The following ASIC2 variants were observed in gnomAD, a reference collection of about 807,000 sequenced individuals.
The protein encoded by ASIC2 is acid sensing ion channel subunit 2, also known as acid-sensing ion channel 2.
A neutral mutation model predicts 57.3 loss-of-function variants in ASIC2; 25 were observed. The observed-to-expected ratio is 0.44, with a 90% CI of 0.32 to 0.61. The LOEUF is 0.61. ASIC2 is among the 20% of genes least tolerant of loss of function. The probability of loss-of-function intolerance (pLI) is 0.06; values close to 1 mark genes in which losing one functional copy is unlikely to be tolerated. For synonymous variants in ASIC2, 319 were observed against 307.5 expected (o/e 1.04, Z -0.39); for missense variants, 641 against 738.1 (o/e 0.87, Z 1.52).
intron 1 of ASIC2, among the ~76,000 whole-genome samples, chr17:33,138,951 G>A (rs185312208): frequency 5.3e-5 from 8 of 152,328 alleles, no homozygotes; most frequent in African/African-American, 1.4e-4. Context: ...AGTAGTGCCA[G>A]CCTGGGGATC....
At chr17:33,758,896 C>A (rs1280568538) in intron 1 of ASIC2, among the ~76,000 whole-genome samples, 4 of 128,658 alleles carry the variant, frequency 3.1e-5, no homozygotes, top group Admixed American at 8.6e-5. Context: ...CTGTTATCAG[C>A]AATAGAAAGC....
chr17:33,052,118 G>T (rs2091979160), intron 3 of ASIC2: 1 of 152,216 alleles, frequency 6.6e-6, no homozygotes, highest in Admixed American at 6.5e-5. Context: ...CCATGGAAAA[G>T]ATTTCATTTA....
chr17:33,418,024 A>ATATGTG (rs772080220), intron 1 of ASIC2, among the ~76,000 whole-genome samples: 1,300 of 110,338 alleles, frequency 0.012, 31 homozygotes, highest in African/African-American at 0.026. Flanking sequence ...CTCAGCATGT[A>ATATGTG]TGTATGTGTG....
intron 1 of ASIC2, among the ~76,000 whole-genome samples, chr17:33,124,859 C>G (rs771344353): frequency 1.1e-4 from 17 of 152,208 alleles, no homozygotes; most frequent in Non-Finnish European, 2.2e-4. Context: ...TGCAACTAGA[C>G]AGTCCTATCT....
intron 1 of ASIC2, among the ~76,000 whole-genome samples, chr17:33,538,438 C>T (rs1915306908): frequency 1.3e-5 from 2 of 152,194 alleles, no homozygotes; most frequent in African/African-American, 4.8e-5. Flanking sequence ...GTGGCATCTT[C>T]TACCTGGAGG....
chr17:33,971,190 T>C (rs1905220053), intron 1 of ASIC2, among the ~76,000 whole-genome samples: 1 of 152,060 alleles, frequency 6.6e-6, no homozygotes, highest in South Asian at 2.1e-4. Context: ...CCAAAGACAG[T>C]GGGGCTCCAA....
chr17:33,254,174 G>C lies in ASIC2; in HGVS notation c.708+37234C>G, dbSNP rs576200130. Among the ~76,000 whole-genome samples, 5 of 152,284 alleles carry C rather than the reference G, an allele frequency of 3.3e-5. No individual in the cohort carries two copies. The East Asian group carries it at 9.7e-4, about 29-fold the overall frequency. ...AGGCTCAGGCAACTATTCCAGAGGT[G>C]GCTCTGGGCTGCTGAGGAGAGCTGG... On this transcript the variant is annotated intron_variant, in intron 1 of 9. Coordinates refer to ENST00000225823, the MANE Select transcript of ASIC2 (RefSeq NM_183377.2).
intron 1 of ASIC2, among the ~76,000 whole-genome samples, chr17:33,568,633 C>A (rs374899496): frequency 2.6e-5 from 4 of 152,256 alleles, no homozygotes; most frequent in African/African-American, 9.6e-5. Context: ...TTATATGAGG[C>A]TATAGGGATA....
intron 1 of ASIC2, among the ~76,000 whole-genome samples, chr17:33,753,937 C>T (rs1910509953): frequency 1.3e-5 from 2 of 152,168 alleles, no homozygotes; most frequent in Admixed American, 6.5e-5. Flanking sequence ...ACACTAATGC[C>T]TGTTGTTAAT....
chr17:33,199,620 C>T (rs1906775908), intron 1 of ASIC2, among the ~76,000 whole-genome samples: 1 of 152,208 alleles, frequency 6.6e-6, no homozygotes, highest in African/African-American at 2.4e-5. Flanking sequence ...AAGCTCCTTT[C>T]CCCTTTCCCT....
At chr17:33,213,177 C>T (rs370051254) in intron 1 of ASIC2, among the ~76,000 whole-genome samples, 18 of 152,202 alleles carry the variant, frequency 1.2e-4, no homozygotes, top group African/African-American at 4.1e-4. Context: ...AACAATCCCA[C>T]AGGGGGAAGC....
chr17:33,827,261 G>C (rs2141897618), intron 1 of ASIC2, among the ~76,000 whole-genome samples: 1 of 151,842 alleles, frequency 6.6e-6, no homozygotes, highest in East Asian at 1.9e-4. Context: ...CATTGGACAG[G>C]GAGACAAAGA....
intron 1 of ASIC2, among the ~76,000 whole-genome samples, chr17:34,007,899 G>T (rs1004843711): frequency 2.6e-5 from 4 of 152,148 alleles, no homozygotes; most frequent in African/African-American, 9.7e-5. Context: ...CAATGAAAAT[G>T]TATTTAGTAT....
At chr17:33,668,494 T>C (rs1177331263) in intron 1 of ASIC2, among the ~76,000 whole-genome samples, 1 of 151,984 alleles carries the variant, frequency 6.6e-6, no homozygotes. Flanking sequence ...CATGCTGCCA[T>C]CTCTCTGGTT....
chr17:33,146,438 G>A (rs1007189966), intron 1 of ASIC2, among the ~76,000 whole-genome samples: 3 of 152,114 alleles, frequency 2.0e-5, no homozygotes, highest in African/African-American at 4.8e-5. Context: ...GGCTGGCTGC[G>A]GACCTATTCT....
At chr17:33,876,147 C>T (rs1914541977) in intron 1 of ASIC2, among the ~76,000 whole-genome samples, 1 of 152,074 alleles carries the variant, frequency 6.6e-6, no homozygotes, top group Admixed American at 6.6e-5. Context: ...TTTCTTTGTA[C>T]CTCTGCATTT....
At chr17:33,026,913 TC>T (rs2091861546) in intron 4 of ASIC2, among the ~76,000 whole-genome samples, 1 of 152,218 alleles carries the variant, frequency 6.6e-6, no homozygotes, top group Admixed American at 6.5e-5. Flanking sequence ...ATGACATGTT[TC>T]CCTGTTTGCT....
At chr17:34,002,900 T>A (rs924738599) in intron 1 of ASIC2, 1 of 152,248 alleles carries the variant, frequency 6.6e-6, no homozygotes, top group Non-Finnish European at 1.5e-5. Context: ...ATCTCACTCC[T>A]GTCTTTCTTC....
chr17:33,079,898 C>T lies in ASIC2; in HGVS notation c.987+8965G>A, dbSNP rs149884557. ...AACTAGCAAATGGGGATTTGCACTC[C>T]GGCCATTTACAGAGTTTTGAATCTA... On this transcript the variant is annotated intron_variant, in intron 3 of 9. Coordinates refer to ENST00000225823, the MANE Select transcript of ASIC2 (RefSeq NM_183377.2). Among the ~76,000 whole-genome samples, 216 of 152,202 alleles carry T rather than the reference C, an allele frequency of 1.4e-3. 1 individual carries two copies. Among genetic ancestry groups the T allele is most frequent in the Admixed American group, 7.1e-3 (108 of 15,290 alleles).
Sources: gnomAD v4.1 joint callset for allele counts (sites outside exome capture counted in the v4.1 genomes callset) on GRCh38, gnomAD v4.1.1 for gene constraint, MANE v1.5 for transcripts, NCBI Gene and HGNC (gene_info 2026-07-23, HGNC 2026-07-21) for gene names.